Variants in CPEB3 observed in about 807,000 individuals in gnomAD.
CPEB3 encodes the protein cytoplasmic polyadenylation element binding protein 3.
A neutral mutation model predicts 67.2 loss-of-function variants in CPEB3; 20 were observed. That is an observed-to-expected ratio of 0.30 (90% CI 0.21 to 0.43). CPEB3 has a LOEUF of 0.43. Among genes scored for constraint, CPEB3 ranks in the 20% least tolerant of loss-of-function variants. The pLI, the probability that CPEB3 is intolerant of heterozygous loss-of-function variation, is 1.00. For synonymous variants in CPEB3, 376 were observed against 393.1 expected (o/e 0.96, Z 0.51); for missense variants, 746 against 968.6 (o/e 0.77, Z 3.05).
intron 6 of CPEB3, among the ~76,000 whole-genome samples, chr10:92,138,854 T>C (rs1213067955): frequency 6.6e-6 from 1 of 152,182 alleles, no homozygotes; most frequent in African/African-American, 2.4e-5. Flanking sequence ...TAGGTATATA[T>C]AACCAAAAGA....
At chr10:92,235,853 C>G (rs1198105022) in intron 2 of CPEB3, among the ~76,000 whole-genome samples, 1 of 152,212 alleles carries the variant, frequency 6.6e-6, no homozygotes, top group East Asian at 1.9e-4. Context: ...TAGGTGCTCT[C>G]AAAAGTCCCT....
At chr10:92,102,959 T>C (rs1029687689) in intron 7 of CPEB3, among the ~76,000 whole-genome samples, 6 of 152,208 alleles carry the variant, frequency 3.9e-5, no homozygotes, top group Non-Finnish European at 7.3e-5. Flanking sequence ...TATATTTGTG[T>C]GGATCCCAAC....
chr10:92,143,152 A>G (rs1294102876), intron 5 of CPEB3, 34 bp from the exon 6 acceptor site: 1 of 1,511,492 alleles, frequency 6.6e-7, no homozygotes, highest in Admixed American at 1.8e-5. Flanking sequence ...AGCAAAAGAG[A>G]AAAAAATATT....
intron 1 of CPEB3, among the ~76,000 whole-genome samples, chr10:92,258,998 C>T (rs138106733): frequency 1.9e-4 from 28 of 151,310 alleles, no homozygotes; most frequent in African/African-American, 5.6e-4. Context: ...AGTCTCACTC[C>T]GTTGCCCAGG....
intron 4 of CPEB3, among the ~76,000 whole-genome samples, chr10:92,161,736 T>C (rs556570140): frequency 9.9e-5 from 15 of 152,274 alleles, no homozygotes; most frequent in Admixed American, 7.2e-4. Flanking sequence ...ATGATCTTGG[T>C]TCACTACAAC....
At chr10:92,250,211 C>T (rs1416428540) in intron 1 of CPEB3, among the ~76,000 whole-genome samples, 1 of 151,448 alleles carries the variant, frequency 6.6e-6, no homozygotes, top group East Asian at 2.0e-4. Flanking sequence ...CCTCAGCCTC[C>T]CGAGTAGCTG....
At chr10:92,104,153 T>C (rs940292016) in intron 7 of CPEB3, among the ~76,000 whole-genome samples, 2 of 152,188 alleles carry the variant, frequency 1.3e-5, no homozygotes, top group African/African-American at 2.4e-5. Flanking sequence ...AAGGAAACTT[T>C]AATTAAAAGA....
At chr10:92,117,780 T>C (rs1463325576) in intron 6 of CPEB3, among the ~76,000 whole-genome samples, 1 of 152,176 alleles carries the variant, frequency 6.6e-6, no homozygotes, top group Non-Finnish European at 1.5e-5. Context: ...GTACAAATTA[T>C]CAACAACTCT....
intron 1 of CPEB3, among the ~76,000 whole-genome samples, chr10:92,244,992 T>C (rs1423118659): frequency 6.6e-6 from 1 of 152,182 alleles, no homozygotes; most frequent in Non-Finnish European, 1.5e-5. Context: ...GAAAATGTCA[T>C]CATTTAAAAT....
At chr10:92,145,225 T>C in intron 4 of CPEB3, 140 bp from the exon 5 acceptor site, 1 of 870,718 alleles carries the variant, frequency 1.1e-6, no homozygotes. Context: ...TGTCCTGAGC[T>C]GTGGCTTTTC....
At chr10:92,149,034 G>A (rs1471803294) in intron 4 of CPEB3, among the ~76,000 whole-genome samples, 1 of 151,858 alleles carries the variant, frequency 6.6e-6, no homozygotes, top group Non-Finnish European at 1.5e-5. Flanking sequence ...CCCAGTAGCT[G>A]GGATTATAGG....
chr10:92,259,351 C>T (rs1185119375), intron 1 of CPEB3, among the ~76,000 whole-genome samples: 1 of 151,942 alleles, frequency 6.6e-6, no homozygotes. Flanking sequence ...CCTGTAATCC[C>T]AGCACTTTGG....
chr10:92,160,633 C>A (rs866763512), intron 4 of CPEB3, among the ~76,000 whole-genome samples: 9 of 152,154 alleles, frequency 5.9e-5, no homozygotes, highest in South Asian at 2.1e-4. Context: ...ACAACAAATT[C>A]ATTTTTTTCC....
intron 8 of CPEB3, among the ~76,000 whole-genome samples, chr10:92,082,258 A>G (rs1249409878): frequency 2.1e-5 from 3 of 145,634 alleles, no homozygotes; most frequent in Admixed American, 2.0e-4. Context: ...TTTCTTCTAA[A>G]TATGCCTTTG....
At chr10:92,249,937 G>A (rs996593307) in intron 1 of CPEB3, among the ~76,000 whole-genome samples, 24 of 144,502 alleles carry the variant, frequency 1.7e-4, no homozygotes, top group East Asian at 1.1e-3. Flanking sequence ...CAGGAGAATC[G>A]CTTGAACTTG....
At chr10:92,271,233 C>A (rs545463316) in intron 1 of CPEB3, among the ~76,000 whole-genome samples, 1 of 152,260 alleles carries the variant, frequency 6.6e-6, no homozygotes, top group East Asian at 1.9e-4. Flanking sequence ...TTCAGAATTA[C>A]AAAAATGTTT....
At chr10:92,154,042 C>T (rs189232667) in intron 4 of CPEB3, among the ~76,000 whole-genome samples, 8 of 152,270 alleles carry the variant, frequency 5.3e-5, no homozygotes, top group Non-Finnish European at 1.5e-5. Context: ...ACTGGCATAG[C>T]CAACATGTCT....
intron 1 of CPEB3, among the ~76,000 whole-genome samples, chr10:92,257,104 CAA>C (rs1055635257): frequency 6.6e-6 from 1 of 152,144 alleles, no homozygotes. Flanking sequence ...CTTAATAATA[CAA>C]AGTTTAATGT....
Position 92,111,178 on chromosome 10 carries a change from C to G in CPEB3, c.1470G>C (p.Leu490=). ...YFPPKGYAFL[L]FQEESSVQAL... is the part of the protein sequence containing the mutation. ...CTTGTACTGAGCTTTCCTCTTGGAACAGCAGAAAGGCATAGCCTTGGGGAG... is the reference window on the plus strand; with the variant it reads ...CTTGTACTGAGCTTTCCTCTTGGAAGAGCAGAAAGGCATAGCCTTGGGGAG... Residue 490 remains leucine, a synonymous_variant, in exon 7 of 10, where the codon CTG becomes CTC. Transcript: ENST00000265997. 2.5e-6 allele frequency: 4 copies of G among 1,613,232 alleles called. No individual in the cohort carries two copies. The highest frequency in any genetic ancestry group is 3.4e-6 in the Non-Finnish European group (4 of 1,179,198).
Sources: gnomAD v4.1 joint callset for allele counts (sites outside exome capture counted in the v4.1 genomes callset) on GRCh38, gnomAD v4.1.1 for gene constraint, MANE v1.5 for transcripts, NCBI Gene and HGNC (gene_info 2026-07-23, HGNC 2026-07-21) for gene names.